The following AK9 variants were observed in gnomAD, a reference collection of about 807,000 sequenced individuals.
AK9 encodes the protein adenylate kinase domain containing 1.
Under a neutral mutation model 239.6 loss-of-function variants are expected in AK9, and 191 were observed. The observed-to-expected ratio is 0.80, with a 90% CI of 0.71 to 0.90. The LOEUF (loss-of-function observed/expected upper bound fraction) is 0.90, where lower values mean the gene tolerates loss of function less well. AK9 is among the 40% of genes least tolerant of loss of function. The pLI, the probability that AK9 is intolerant of heterozygous loss-of-function variation, is 0.00. For missense variants in AK9, 1,995 were observed against 2,214.7 expected (o/e 0.90, Z 1.99); for synonymous variants, 689 against 721.0 (o/e 0.96, Z 0.71).
intron 5 of AK9, 141 bp downstream of exon 5, chr6:109,671,778 G>A (rs961458381): frequency 4.5e-6 from 3 of 661,464 alleles, no homozygotes; most frequent in Non-Finnish European, 5.2e-6. Context: ...AAAACCATCT[G>A]AGCTGTTCAA....
At chr6:109,538,054 TGTG>T (rs1251251755) in intron 27 of AK9, among the ~76,000 whole-genome samples, 1 of 152,212 alleles carries the variant, frequency 6.6e-6, no homozygotes, top group Non-Finnish European at 1.5e-5. Flanking sequence ...ATAAGTGTGA[TGTG>T]GTGCTGAGAA....
intron 20 of AK9, 131 bp from the exon 21 acceptor site, chr6:109,573,725 G>A: frequency 1.2e-6 from 1 of 818,382 alleles, no homozygotes; most frequent in Non-Finnish European, 1.8e-6. Flanking sequence ...TAGTTTAATG[G>A]GGGAGATAGA....
intron 3 of AK9, among the ~76,000 whole-genome samples, chr6:109,672,503 G>A (rs1257366762): frequency 2.6e-5 from 4 of 151,876 alleles, no homozygotes; most frequent in African/African-American, 9.7e-5. Context: ...GGCAACATAG[G>A]GAGACTACAT....
chr6:109,516,778 A>G (rs1238344502), intron 29 of AK9, 136 bp from the exon 30 acceptor site: 4 of 749,842 alleles, frequency 5.3e-6, no homozygotes, highest in Admixed American at 5.6e-5. Context: ...TAGTAACGCA[A>G]TAAGGTTTTA....
intron 1 of AK9, among the ~76,000 whole-genome samples, chr6:109,686,767 G>A (rs913516153): frequency 6.6e-6 from 1 of 152,212 alleles, no homozygotes; most frequent in African/African-American, 2.4e-5. Flanking sequence ...GAGAATGAAT[G>A]CCTGGTCATG....
At position 109,586,018 on chromosome 6, in the gene AK9, T is replaced by G. The variant is rs939082859; in HGVS notation, c.1897A>C (p.Ile633Leu). The G allele has an allele frequency of 7.2e-5, 111 of 1,551,334 alleles. No individual in the cohort carries two copies. The highest frequency in any genetic ancestry group is 9.3e-5 in the Non-Finnish European group (107 of 1,146,916). Reference sequence around the variant, plus strand: ...TTTACAATAGGGCAGTTGTCCACAATCCAGCCTCCATATTTTGGGGCACCA... The same window carrying G: ...TTTACAATAGGGCAGTTGTCCACAAGCCAGCCTCCATATTTTGGGGCACCA... ...FPGAPKYGGW[I>L]VDNCPIVKEL... The change falls in exon 18 of 41, where the codon ATT becomes CTT. Residue 633 changes from isoleucine (I) to leucine (L), a missense_variant. This residue lies in a region of AK9 where 1,290 missense variants were observed against 1,392.7 expected (regional missense o/e 0.93). Transcript: ENST00000424296.
intron 23 of AK9, 89 bp from the exon 24 acceptor site, chr6:109,563,801 T>G: frequency 7.8e-7 from 1 of 1,289,314 alleles, no homozygotes; most frequent in East Asian, 2.6e-5. Flanking sequence ...GAAAATTGAT[T>G]ATTATTATTA....
At chr6:109,518,316 C>T (rs1320251605) in intron 29 of AK9, among the ~76,000 whole-genome samples, 1 of 152,018 alleles carries the variant, frequency 6.6e-6, no homozygotes, top group African/African-American at 2.4e-5. Context: ...AGCCTCCTTA[C>T]GACTTGTTCC....
At chr6:109,604,645 G>A (rs929471717) in intron 17 of AK9, among the ~76,000 whole-genome samples, 2 of 152,154 alleles carry the variant, frequency 1.3e-5, no homozygotes, top group Non-Finnish European at 2.9e-5. Context: ...AGTAGAGTAA[G>A]TCTCCCTCTA....
At chr6:109,501,595 C>T (rs987266660) in intron 35 of AK9, among the ~76,000 whole-genome samples, 1 of 152,224 alleles carries the variant, frequency 6.6e-6, no homozygotes, top group African/African-American at 2.4e-5. Flanking sequence ...CTCTATTCAT[C>T]TCTTGCAGGC....
chr6:109,526,639 G>A (rs1352085253), intron 29 of AK9, among the ~76,000 whole-genome samples: 1 of 152,148 alleles, frequency 6.6e-6, no homozygotes, highest in African/African-American at 2.4e-5. Flanking sequence ...AGAAGTAAAA[G>A]ACCTGTCAGA....
Position 109,514,427 on chromosome 6 carries a change from C to A in AK9, c.4076G>T (p.Gly1359Val), listed in dbSNP as rs994652678. 2.6e-6 allele frequency: 4 copies of A among 1,541,522 alleles called. No individual in the cohort carries two copies. Among genetic ancestry groups the A allele is most frequent in the Non-Finnish European group, 3.5e-6 (4 of 1,142,736 alleles). Reference protein sequence around the residue: ...GYWDPVKLSEGETIKPVENAE... With the variant: ...GYWDPVKLSEVETIKPVENAE... Reference sequence around the variant, plus strand: ...ATTTTCAACTGGCTTGATTGTCTCTCCTTCACTTAGCTGCAACATATACAC... The same window carrying A: ...ATTTTCAACTGGCTTGATTGTCTCTACTTCACTTAGCTGCAACATATACAC... The change falls in exon 32 of 41, where the codon GGA becomes GTA. Residue 1359 changes from glycine (G) to valine (V), a missense_variant. By Grantham distance (109) the Gly-to-Val change is moderately radical. This residue lies in a region of AK9 where 1,290 missense variants were observed against 1,392.7 expected (regional missense o/e 0.93). Transcript: ENST00000424296.
At chr6:109,531,370 C>A (rs372062365) in intron 28 of AK9, among the ~76,000 whole-genome samples, 3 of 151,872 alleles carry the variant, frequency 2.0e-5, no homozygotes, top group East Asian at 3.9e-4. Context: ...AAGGAAGGGG[C>A]AAATGCCTGG....
intron 16 of AK9, among the ~76,000 whole-genome samples, chr6:109,611,207 C>T (rs1334766749): frequency 2.6e-5 from 4 of 152,116 alleles, no homozygotes; most frequent in Non-Finnish European, 4.4e-5. Flanking sequence ...TGATCCCAAC[C>T]CAGAAAAATC....
At chr6:109,670,961 T>A (rs949766709) in intron 5 of AK9, among the ~76,000 whole-genome samples, 3 of 151,976 alleles carry the variant, frequency 2.0e-5, no homozygotes, top group Non-Finnish European at 4.4e-5. Flanking sequence ...AATCTCTATA[T>A]ATGTATTATA....
chr6:109,608,711 GA>G (rs1325096484), intron 17 of AK9, among the ~76,000 whole-genome samples: 1 of 151,962 alleles, frequency 6.6e-6, no homozygotes, highest in East Asian at 1.9e-4. Context: ...ACTATGAAAG[GA>G]AAAATTAATA....
Position 109,540,442 on chromosome 6 carries a change from A to G in AK9, c.3350+1605T>C, listed in dbSNP as rs974428500. Among the ~76,000 whole-genome samples, 72 of 152,206 alleles carry G rather than the reference A, an allele frequency of 4.7e-4. 1 individual carries two copies. The highest frequency in any genetic ancestry group is 6.8e-3 in the Middle Eastern group (2 of 294). ...ATCTCCTGGTGTGCTGTTTGCTAAGACCATTGGAAAAGCACAGTATTAGGG... is the reference window on the plus strand; with the variant it reads ...ATCTCCTGGTGTGCTGTTTGCTAAGGCCATTGGAAAAGCACAGTATTAGGG... On this transcript the variant is annotated intron_variant, in intron 27 of 40. Coordinates refer to ENST00000424296, the MANE Select transcript of AK9 (RefSeq NM_001145128.3).
intron 17 of AK9, among the ~76,000 whole-genome samples, chr6:109,599,535 T>C (rs1456202518): frequency 6.6e-6 from 1 of 152,210 alleles, no homozygotes; most frequent in Non-Finnish European, 1.5e-5. Context: ...CTCCTTTGGC[T>C]TAGGATTGAC....
At chr6:109,599,268 G>A (rs538787144) in intron 17 of AK9, among the ~76,000 whole-genome samples, 3 of 152,298 alleles carry the variant, frequency 2.0e-5, no homozygotes, top group African/African-American at 7.2e-5. Flanking sequence ...GTAAGGAAGG[G>A]ATCCAGTTTC....
Sources: gnomAD v4.1 joint callset for allele counts (sites outside exome capture counted in the v4.1 genomes callset) on GRCh38, gnomAD v4.1.1 for gene constraint, gnomAD v4.1.1 regional missense constraint, MANE v1.5 for transcripts, NCBI Gene and HGNC (gene_info 2026-07-23, HGNC 2026-07-21) for gene names.